Variants in CCDC171 observed in about 807,000 individuals in gnomAD.
CCDC171 encodes the protein coiled-coil domain-containing protein 171.
A neutral mutation model predicts 168.2 loss-of-function variants in CCDC171; 177 were observed. That is an observed-to-expected ratio of 1.05 (90% CI 0.93 to 1.19). CCDC171 has a LOEUF of 1.19. Among genes scored for constraint, CCDC171 ranks in the 50% most tolerant of loss-of-function variants. The pLI is 0.00. For synonymous variants in CCDC171, 687 were observed against 540.8 expected, an observed-to-expected ratio of 1.27 and a Z score of -3.75; for missense variants, 1,991 against 1,539.0, an observed-to-expected ratio of 1.29 and a Z score of -4.91.
At chr9:16,063,885 T>C (rs925524621), downstream of CCDC171, among the ~76,000 whole-genome samples, 1 of 152,202 alleles carries the variant, frequency 6.6e-6, no homozygotes, top group African/African-American at 2.4e-5. Flanking sequence ...GGGACCAAGA[T>C]AGTGAATTCT....
chr9:15,851,407 A>G (rs2061121426), intron 23 of CCDC171, among the ~76,000 whole-genome samples: 1 of 123,544 alleles, frequency 8.1e-6, no homozygotes, highest in African/African-American at 3.1e-5. Flanking sequence ...GTAGGTCAGA[A>G]GTTAATTTTA....
chr9:16,098,415 C>G, the CCDC171 span, among the ~76,000 whole-genome samples: 1 of 152,168 alleles, frequency 6.6e-6, no homozygotes, highest in Non-Finnish European at 1.5e-5. Context: ...TGAATAAGAG[C>G]TGCTATTTAG....
At chr9:15,721,420 A>G (rs1014815590) in intron 11 of CCDC171, among the ~76,000 whole-genome samples, 8 of 151,858 alleles carry the variant, frequency 5.3e-5, no homozygotes, top group Non-Finnish European at 8.8e-5. Flanking sequence ...ATGTACAAAC[A>G]CTGCCGTTAC....
intron 4 of CCDC171, among the ~76,000 whole-genome samples, chr9:15,590,964 C>A (rs555640894): frequency 6.6e-6 from 1 of 151,870 alleles, no homozygotes; most frequent in African/African-American, 2.4e-5. Flanking sequence ...ATCCTCCCGC[C>A]TCAGCCTCCA....
At chr9:15,769,651 A>C (rs773311422) in intron 18 of CCDC171, among the ~76,000 whole-genome samples, 10 of 152,204 alleles carry the variant, frequency 6.6e-5, no homozygotes, top group Non-Finnish European at 7.3e-5. Context: ...TAATCATGAG[A>C]GTCATCACTT....
chr9:15,650,170 G>A (rs185359829), intron 7 of CCDC171, among the ~76,000 whole-genome samples: 17 of 152,272 alleles, frequency 1.1e-4, no homozygotes, highest in Admixed American at 3.3e-4. Flanking sequence ...AACACCGCAT[G>A]TTCTCACTCA....
At chr9:15,559,431 A>G (rs2039085946) in intron 1 of CCDC171, among the ~76,000 whole-genome samples, 1 of 152,170 alleles carries the variant, frequency 6.6e-6, no homozygotes, top group Non-Finnish European at 1.5e-5. Context: ...TTGGGTGCAT[A>G]TATATTTAGG....
chr9:15,992,575 T>C lies in CCDC171; in HGVS notation n.369-28014T>C, dbSNP rs1432973231. ...CTCTCACCACTCCTATTCAACATGC[T>C]GTTGGAAGTTCTGGCCAGGGCAGTC... On this transcript the variant is annotated intron_variant and non_coding_transcript_variant, in intron 3 of 9. Transcript: ENST00000486641. Among the ~76,000 whole-genome samples, 3 of 152,176 alleles carry C rather than the reference T, an allele frequency of 2.0e-5. No homozygotes were observed. In the East Asian group the frequency reaches 5.8e-4, roughly 29 times the overall value.
intron 11 of CCDC171, among the ~76,000 whole-genome samples, chr9:15,719,987 TCTC>T (rs78578773): frequency 0.81 from 123,175 of 151,836 alleles, 52,753 homozygotes; most frequent in Non-Finnish European, 0.94. Context: ...AAGAGTACTG[TCTC>T]CTCTATTATC....
At chr9:15,814,841 G>A (rs1197968341) in intron 21 of CCDC171, among the ~76,000 whole-genome samples, 3 of 152,124 alleles carry the variant, frequency 2.0e-5, no homozygotes, top group Non-Finnish European at 4.4e-5. Context: ...TGTAAAAAGT[G>A]TAGTACTTGT....
At chr9:15,700,455 G>T (rs1196896147) in intron 11 of CCDC171, among the ~76,000 whole-genome samples, 2 of 152,164 alleles carry the variant, frequency 1.3e-5, no homozygotes, top group Non-Finnish European at 2.9e-5. Flanking sequence ...GAGGGAGTGG[G>T]CTGCGGCCTT....
At chr9:16,078,128 C>G in the CCDC171 span, among the ~76,000 whole-genome samples, 2,364 of 151,798 alleles carry the variant, frequency 0.016, 50 homozygotes, top group African/African-American at 0.053. Context: ...TGTTAATTGG[C>G]TTGATTGCGG....
At chr9:15,615,777 A>ATTTTTT (rs35595117) in intron 6 of CCDC171, among the ~76,000 whole-genome samples, 3 of 140,192 alleles carry the variant, frequency 2.1e-5, no homozygotes, top group Non-Finnish European at 1.5e-5. Flanking sequence ...ATCACGTGTG[A>ATTTTTT]TTTTTTTTTT....
At position 16,061,060 on chromosome 9, in the gene CCDC171, C is replaced by T. The variant is rs898745034; in HGVS notation, n.504C>T. On this transcript the variant is annotated non_coding_transcript_exon_variant, in exon 2 of 2. Transcript: ENST00000478913. ...CGCTCTTATCACCAAATGTATCTTT[C>T]TGCAGGAAGAAGACAGAAGAAAGGG... is the stretch of plus-strand genomic sequence containing the variant. 8.5e-5 allele frequency: 13 copies of T among 152,334 alleles called. No homozygotes were observed. The South Asian group carries it at 1.9e-3, about 22-fold the overall frequency. The allele number at this position is 152,334 out of a possible 1,614,324, so 9.4% of individuals were successfully genotyped here.
chr9:15,654,962 C>T (rs1462493955), intron 7 of CCDC171, among the ~76,000 whole-genome samples: 2 of 152,092 alleles, frequency 1.3e-5, no homozygotes, highest in Admixed American at 1.3e-4. Flanking sequence ...TGTTCTCACT[C>T]TTAGGTGGGA....
intron 6 of CCDC171, among the ~76,000 whole-genome samples, chr9:15,614,306 A>G (rs958489816): frequency 2.0e-5 from 3 of 152,118 alleles, no homozygotes; most frequent in African/African-American, 7.2e-5. Flanking sequence ...CTCCTTCCCC[A>G]CAGTGCTGGC....
chr9:15,997,860 C>G (rs985581151), intron 3 of CCDC171, among the ~76,000 whole-genome samples: 4 of 152,140 alleles, frequency 2.6e-5, no homozygotes, highest in African/African-American at 9.7e-5. Context: ...TAACACGTAT[C>G]CTTCCCTTGC....
At chr9:15,891,792 A>G (rs1315029853) in intron 24 of CCDC171, among the ~76,000 whole-genome samples, 1 of 152,162 alleles carries the variant, frequency 6.6e-6, no homozygotes, top group Non-Finnish European at 1.5e-5. Context: ...GAGATGACAG[A>G]GAATGAACGA....
At chr9:16,027,836 TTGA>T (rs1833303086) in intron 6 of CCDC171, among the ~76,000 whole-genome samples, 1 of 152,186 alleles carries the variant, frequency 6.6e-6, no homozygotes. Flanking sequence ...ATAAGAGCTG[TTGA>T]TATTAATGCC....
Sources: allele counts gnomAD v4.1 joint callset (sites outside exome capture counted in the v4.1 genomes callset), GRCh38; gene constraint gnomAD v4.1.1; transcripts MANE v1.5; gene names NCBI Gene and HGNC (gene_info 2026-07-23, HGNC 2026-07-21).